SDK1: variants seen among roughly 807,000 people sequenced by gnomAD.
SDK1 encodes sidekick cell adhesion molecule 1, also known as protein sidekick-1.
In SDK1, 157 loss-of-function variants were observed where a neutral mutation model predicts 245.5. That is an observed-to-expected ratio of 0.64 (90% CI 0.56 to 0.73). SDK1 has a LOEUF of 0.73. SDK1 is among the 30% of genes least tolerant of loss of function. The probability of loss-of-function intolerance (pLI) is 0.00; values close to 1 mark genes in which losing one functional copy is unlikely to be tolerated. For missense variants in SDK1, 3,583 were observed against 3,002.3 expected, an observed-to-expected ratio of 1.19 and a Z score of -4.52; for synonymous variants, 1,647 against 1,278.5, an observed-to-expected ratio of 1.29 and a Z score of -6.15.
chr7:3,987,808 A>G (rs905334895), intron 14 of SDK1, among the ~76,000 whole-genome samples: 1 of 152,136 alleles, frequency 6.6e-6, no homozygotes, highest in Admixed American at 6.5e-5. Context: ...TACATGAAAC[A>G]TGCTCCTTCC....
intron 40 of SDK1, among the ~76,000 whole-genome samples, chr7:4,230,123 G>C (rs1785659428): frequency 1.4e-5 from 2 of 142,358 alleles, no homozygotes; most frequent in South Asian, 4.8e-4. Flanking sequence ...TGAGTGGGTG[G>C]CTGGTGGGTG....
chr7:3,376,578 G>A (rs919796616), intron 1 of SDK1, among the ~76,000 whole-genome samples: 1 of 152,168 alleles, frequency 6.6e-6, no homozygotes, highest in African/African-American at 2.4e-5. Flanking sequence ...GTATTTACCA[G>A]ATTCACAGAG....
At chr7:3,862,133 A>C (rs1261765211) in intron 5 of SDK1, among the ~76,000 whole-genome samples, 1 of 152,220 alleles carries the variant, frequency 6.6e-6, no homozygotes, top group Non-Finnish European at 1.5e-5. Context: ...AGATCCATCT[A>C]CTTACGCAAT....
chr7:3,482,982 G>A (rs73038549), intron 1 of SDK1, among the ~76,000 whole-genome samples: 1 of 151,406 alleles, frequency 6.6e-6, no homozygotes, highest in Non-Finnish European at 1.5e-5. Context: ...CCTATTAATT[G>A]ATTTCTCTTG....
At chr7:3,746,737 TC>T (rs1163697129) in intron 4 of SDK1, among the ~76,000 whole-genome samples, 1 of 152,228 alleles carries the variant, frequency 6.6e-6, no homozygotes, top group Admixed American at 6.5e-5. Flanking sequence ...CACTGCTAAT[TC>T]TAGTTCTCTT....
At chr7:3,456,308 C>A (rs1361833628) in intron 1 of SDK1, among the ~76,000 whole-genome samples, 1 of 152,112 alleles carries the variant, frequency 6.6e-6, no homozygotes, top group Non-Finnish European at 1.5e-5. Context: ...TTCTTTCAGC[C>A]CCAGCAACTT....
intron 5 of SDK1, among the ~76,000 whole-genome samples, chr7:3,878,138 ATGAG>A (rs1194553608): frequency 6.6e-6 from 1 of 152,236 alleles, no homozygotes; most frequent in African/African-American, 2.4e-5. Flanking sequence ...TCTTTGATAA[ATGAG>A]AGAAGTTTCT....
intron 1 of SDK1, among the ~76,000 whole-genome samples, chr7:3,513,954 G>C (rs982806878): frequency 6.6e-6 from 1 of 152,188 alleles, no homozygotes; most frequent in East Asian, 1.9e-4. Flanking sequence ...TGCTGCAAAA[G>C]ACAAGATTTT....
chr7:3,395,429 T>C (rs1781872071), intron 1 of SDK1, among the ~76,000 whole-genome samples: 1 of 151,958 alleles, frequency 6.6e-6, no homozygotes, highest in African/African-American at 2.4e-5. Context: ...GTAGTTTTCC[T>C]TTCTGGTAAT....
chr7:3,611,791 G>A (rs900217893), intron 1 of SDK1, among the ~76,000 whole-genome samples: 2 of 152,032 alleles, frequency 1.3e-5, no homozygotes, highest in East Asian at 1.9e-4. Flanking sequence ...TCCTTACTCC[G>A]GCAAAAATGG....
At chr7:4,147,164 T>C (rs1448140628) in intron 29 of SDK1, among the ~76,000 whole-genome samples, 1 of 152,162 alleles carries the variant, frequency 6.6e-6, no homozygotes, top group Non-Finnish European at 1.5e-5. Flanking sequence ...GAGCACACAG[T>C]TCTGGCCACG....
chr7:4,264,160 C>T (rs1311094302), intron 44 of SDK1, among the ~76,000 whole-genome samples: 22 of 134,386 alleles, frequency 1.6e-4, no homozygotes, highest in African/African-American at 5.6e-4. Flanking sequence ...AGGGTGGCCG[C>T]GTAGAACTCT....
chr7:3,749,116 G>T (rs1779704590), intron 4 of SDK1, among the ~76,000 whole-genome samples: 1 of 152,120 alleles, frequency 6.6e-6, no homozygotes, highest in Non-Finnish European at 1.5e-5. Flanking sequence ...GTACATGAAA[G>T]AAGGTTAAGG....
Position 3,307,590 on chromosome 7 carries a change from C to A in SDK1, c.298+5706C>A, listed in dbSNP as rs185148687. On this transcript the variant is annotated intron_variant, in intron 1 of 44. Transcript: ENST00000404826. ...GCAATTCTAGTGTTTAGGTGGTTGG[C>A]TTCCTGACAGAAAGCTCCAAAGCCA... is the stretch of plus-strand genomic sequence containing the variant. 3.9e-3 allele frequency among the ~76,000 whole-genome samples: 590 copies of A among 152,284 alleles called. 18 individuals carry two copies. The highest frequency in any genetic ancestry group is 0.036 in the Admixed American group (546 of 15,294).
At chr7:3,799,873 C>A (rs550583340) in intron 4 of SDK1, among the ~76,000 whole-genome samples, 3 of 152,168 alleles carry the variant, frequency 2.0e-5, no homozygotes, top group South Asian at 4.1e-4. Flanking sequence ...AAAGTGAATA[C>A]TTAGTTCATG....
rs117105678 is a variant in SDK1 at position 4,268,695 on chromosome 7, C to A, written c.*3311C>A. The A allele has an allele frequency of 1.5e-6, 2 of 1,367,864 alleles. No individual in the cohort carries two copies. The highest frequency in any genetic ancestry group is 2.0e-6 in the Non-Finnish European group (2 of 1,021,994). 84.7% of individuals were successfully genotyped at this position (1,367,864 alleles called of 1,614,324 possible). A position where few individuals can be genotyped will look rare whatever the true frequency, so the allele number is the denominator to read the frequency against. ...GCACACAGTGTAGCTATCCTCCTGA[C>A]GAGCAACCCGTCTGCGTACCTAAGT... On this transcript the variant is annotated 3_prime_UTR_variant, in exon 45 of 45. Coordinates refer to ENST00000404826, the MANE Select transcript of SDK1 (RefSeq NM_152744.4).
intron 28 of SDK1, among the ~76,000 whole-genome samples, chr7:4,135,730 C>T (rs1779040413): frequency 6.6e-6 from 1 of 152,230 alleles, no homozygotes; most frequent in South Asian, 2.1e-4. Flanking sequence ...GTTAGAGTTG[C>T]ACTTAGAACA....
At chr7:3,725,567 C>T (rs1333558496) in intron 4 of SDK1, among the ~76,000 whole-genome samples, 1 of 152,198 alleles carries the variant, frequency 6.6e-6, no homozygotes, top group Non-Finnish European at 1.5e-5. Flanking sequence ...TTAGCTCACT[C>T]TTGCCACTCT....
At chr7:4,124,362 T>C (rs1291648259) in intron 25 of SDK1, among the ~76,000 whole-genome samples, 1 of 152,160 alleles carries the variant, frequency 6.6e-6, no homozygotes, top group Non-Finnish European at 1.5e-5. Flanking sequence ...CCTGGGCCCC[T>C]CTCCAGCATC....
Sources: allele counts gnomAD v4.1 joint callset (sites outside exome capture counted in the v4.1 genomes callset), GRCh38; gene constraint gnomAD v4.1.1; transcripts MANE v1.5; gene names NCBI Gene and HGNC (gene_info 2026-07-23, HGNC 2026-07-21).